Variants in ADARB1 observed in about 807,000 individuals in gnomAD.
ADARB1 encodes double-stranded RNA-specific editase 1.
Under a neutral mutation model 52.4 loss-of-function variants are expected in ADARB1, and 10 were observed. The ratio of observed to expected loss-of-function variants is 0.19; its 90% CI spans 0.12 to 0.32. The LOEUF is 0.32. ADARB1 is among the 10% of genes least tolerant of loss of function. ADARB1 has a pLI of 1.00. For synonymous variants in ADARB1, 349 were observed against 371.1 expected, an observed-to-expected ratio of 0.94 and a Z score of 0.68; for missense variants, 643 against 922.3, an observed-to-expected ratio of 0.70 and a Z score of 3.92.
intron 1 of ADARB1, among the ~76,000 whole-genome samples, chr21:45,097,481 G>A (rs1287347144): frequency 6.6e-6 from 1 of 151,886 alleles, no homozygotes; most frequent in African/African-American, 2.4e-5. Context: ...TGTGGTTGGG[G>A]GCATGAACTC....
intron 2 of ADARB1, among the ~76,000 whole-genome samples, chr21:45,130,393 A>G (rs185079058): frequency 6.6e-6 from 1 of 152,386 alleles, no homozygotes; most frequent in Admixed American, 6.5e-5. Flanking sequence ...TGTGCTGAGA[A>G]AGCAAAACTG....
chr21:45,089,221 C>G (rs746489624), intron 1 of ADARB1, among the ~76,000 whole-genome samples: 1 of 152,226 alleles, frequency 6.6e-6, no homozygotes, highest in Non-Finnish European at 1.5e-5. Flanking sequence ...CTCATGCTCA[C>G]AACTTACAAA....
intron 1 of ADARB1, among the ~76,000 whole-genome samples, chr21:45,075,657 G>T (rs1475794673): frequency 1.3e-5 from 2 of 152,260 alleles, no homozygotes; most frequent in Non-Finnish European, 2.9e-5. Context: ...GAAGGTGTCA[G>T]ATTGGGCTGT....
chr21:45,184,894 G>T, intron 7 of ADARB1, 29 bp from the exon 8 acceptor site: 1 of 1,583,588 alleles, frequency 6.3e-7, no homozygotes, highest in Non-Finnish European at 8.6e-7. Context: ...TTTACTACCT[G>T]TGGGGTTTTA....
chr21:45,196,852 C>G (rs971030407), intron 8 of ADARB1, among the ~76,000 whole-genome samples: 1 of 152,202 alleles, frequency 6.6e-6, no homozygotes, highest in African/African-American at 2.4e-5. Context: ...GGAACTGGTA[C>G]TGTCATCCAC....
chr21:45,205,888 C>T (rs1206807575), intron 9 of ADARB1, among the ~76,000 whole-genome samples: 1 of 152,164 alleles, frequency 6.6e-6, no homozygotes, highest in African/African-American at 2.4e-5. Flanking sequence ...TTTCTAGTGC[C>T]TGGCAACTAG....
chr21:45,102,557 A>G (rs2087066673), intron 1 of ADARB1, among the ~76,000 whole-genome samples: 1 of 152,244 alleles, frequency 6.6e-6, no homozygotes, highest in African/African-American at 2.4e-5. Flanking sequence ...TGGCAAGGAA[A>G]TGCCGAGAAA....
chr21:45,085,305 C>T (rs1307539480), intron 1 of ADARB1, among the ~76,000 whole-genome samples: 1 of 152,166 alleles, frequency 6.6e-6, no homozygotes, highest in East Asian at 1.9e-4. Context: ...TCAAAAGATG[C>T]TGGGGAGCTA....
rs553881206 is a variant in ADARB1 at position 45,173,716 on chromosome 21, T to C, written c.29-2014T>C. 6.6e-5 allele frequency among the ~76,000 whole-genome samples: 10 copies of C among 151,444 alleles called. No individual in the cohort carries two copies. The South Asian group carries it at 1.5e-3, about 22-fold the overall frequency. ...AGTTTATTAATCTCTGAATTCCATCTTGGCTCTATTTTTTTTAACCTTTTG... is the reference window on the plus strand; with the variant it reads ...AGTTTATTAATCTCTGAATTCCATCCTGGCTCTATTTTTTTTAACCTTTTG... On this transcript the variant is annotated intron_variant, in intron 3 of 10. Coordinates refer to ENST00000348831, the MANE Select transcript of ADARB1 (RefSeq NM_001112.4).
At chr21:45,158,288 C>T (rs963038316) in intron 2 of ADARB1, among the ~76,000 whole-genome samples, 5 of 152,168 alleles carry the variant, frequency 3.3e-5, no homozygotes, top group Admixed American at 2.6e-4. Context: ...AGCCACTGGC[C>T]TCATCCTTTG....
At position 45,176,735 on chromosome 21, in the gene ADARB1, G is replaced by A; in HGVS notation, c.963+71G>A. On this transcript the variant is annotated intron_variant, in intron 4 of 10. Transcript: ENST00000348831. The surrounding 1 kb of genome is among the most constrained non-coding windows in gnomAD (Gnocchi z 5.8). ...GGTAATGCTTCTAGACAGCATTTTA[G>A]TTTCAGGATTACTGTTGACTTTCCA... The A allele has an allele frequency of 2.8e-6, 4 of 1,450,210 alleles. No individual in the cohort carries two copies. Among genetic ancestry groups the A allele is most frequent in the Admixed American group, 2.2e-5 (1 of 44,866 alleles). 89.8% of individuals were successfully genotyped at this position (1,450,210 alleles called of 1,614,324 possible).
rs1338443516 is a variant in ADARB1 at position 45,204,625 on chromosome 21, A to G, written c.1636A>G (p.Ile546Val). 6.2e-7 allele frequency: 1 copy of G among 1,614,008 alleles called. No individual in the cohort carries two copies. The highest frequency in any genetic ancestry group is 8.5e-7 in the Non-Finnish European group (1 of 1,180,030). ...FVEPIYFSSI[I>V]LGSLYHGDHL... Reference sequence around the variant, plus strand: ...GGAGCCCATTTACTTCTCGAGCATCATCCTGGGCAGCCTTTACCACGGGGA... The same window carrying G: ...GGAGCCCATTTACTTCTCGAGCATCGTCCTGGGCAGCCTTTACCACGGGGA... The change falls in exon 9 of 11, where the codon ATC becomes GTC. Residue 546 changes from isoleucine (I) to valine (V), a missense_variant. This residue lies in a region of ADARB1 where 263 missense variants were observed against 475.8 expected (regional missense o/e 0.55). Coordinates refer to ENST00000348831, the MANE Select transcript of ADARB1 (RefSeq NM_001112.4). The surrounding 1 kb of genome is among the most constrained non-coding windows in gnomAD (Gnocchi z 4.4).
intron 1 of ADARB1, among the ~76,000 whole-genome samples, chr21:45,098,743 C>G (rs2086875610): frequency 6.6e-6 from 1 of 152,218 alleles, no homozygotes. Flanking sequence ...AGGCTGTTCT[C>G]TTTGGGCTAT....
At chr21:45,140,540 G>A (rs954573855) in intron 2 of ADARB1, among the ~76,000 whole-genome samples, 6 of 152,274 alleles carry the variant, frequency 3.9e-5, no homozygotes, top group East Asian at 1.9e-4. Context: ...CTGTAGGGCC[G>A]CTTCTAAGAC....
intron 1 of ADARB1, among the ~76,000 whole-genome samples, chr21:45,102,926 G>T (rs1219777106): frequency 6.6e-6 from 1 of 152,200 alleles, no homozygotes; most frequent in Non-Finnish European, 1.5e-5. Context: ...CAACCCAGCA[G>T]GGGCCAGGTC....
At chr21:45,096,809 G>T (rs1284714208) in intron 1 of ADARB1, among the ~76,000 whole-genome samples, 1 of 152,218 alleles carries the variant, frequency 6.6e-6, no homozygotes, top group Non-Finnish European at 1.5e-5. Context: ...AGGCGGTGCA[G>T]TGGCACTGCC....
rs958325725 is a variant in ADARB1 at position 45,172,288 on chromosome 21, A to G, written c.28+604A>G. Reference sequence around the variant, plus strand: ...TGAAGGTACTTATCTCTTCTAGTTCATCTTCAGTCCCAGAAAACAGGTTTA... The same window carrying G: ...TGAAGGTACTTATCTCTTCTAGTTCGTCTTCAGTCCCAGAAAACAGGTTTA... On this transcript the variant is annotated intron_variant, in intron 3 of 10. Transcript: ENST00000348831. The surrounding 1 kb of genome is among the most constrained non-coding windows in gnomAD (Gnocchi z 4.4). 6.6e-6 allele frequency among the ~76,000 whole-genome samples: 1 copy of G among 152,102 alleles called. No homozygotes were observed. Among genetic ancestry groups the G allele is most frequent in the Non-Finnish European group, 1.5e-5 (1 of 68,012 alleles).
At chr21:45,150,260 C>T (rs1374556447) in intron 2 of ADARB1, among the ~76,000 whole-genome samples, 1 of 152,080 alleles carries the variant, frequency 6.6e-6, no homozygotes, top group Admixed American at 6.5e-5. Flanking sequence ...GGCAACAGAG[C>T]AAAACTCTGT....
intron 1 of ADARB1, among the ~76,000 whole-genome samples, chr21:45,075,765 G>T (rs947439311): frequency 1.3e-5 from 2 of 152,212 alleles, no homozygotes; most frequent in African/African-American, 4.8e-5. Flanking sequence ...CTGCACCGTG[G>T]TGTTTAGTTC....
Sources: allele counts gnomAD v4.1 joint callset (sites outside exome capture counted in the v4.1 genomes callset), GRCh38; gene constraint gnomAD v4.1.1; regional missense constraint gnomAD v4.1.1; non-coding constraint Gnocchi (gnomAD v3.1); transcripts MANE v1.5; gene names NCBI Gene and HGNC (gene_info 2026-07-23, HGNC 2026-07-21).